The following CCDC25 variants were observed in gnomAD, a reference collection of about 807,000 sequenced individuals.
CCDC25 encodes coiled-coil domain-containing protein 25.
Under a neutral mutation model 35.3 loss-of-function variants are expected in CCDC25, and 16 were observed. The observed-to-expected ratio is 0.45, with a 90% CI of 0.31 to 0.69. The LOEUF (loss-of-function observed/expected upper bound fraction) is 0.69. Among genes scored for constraint, CCDC25 ranks in the 30% least tolerant of loss-of-function variants. The pLI is 0.06. For missense variants in CCDC25, 179 were observed against 250.7 expected, an observed-to-expected ratio of 0.71 and a Z score of 1.93; for synonymous variants, 79 against 80.3, an observed-to-expected ratio of 0.98 and a Z score of 0.09.
intron 1 of CCDC25, among the ~76,000 whole-genome samples, chr8:27,767,964 G>A (rs1804456399): frequency 6.6e-6 from 1 of 152,142 alleles, no homozygotes; most frequent in South Asian, 2.1e-4. Context: ...CACTTTGGGA[G>A]GCTGAGGCAG....
rs958574257 is a variant in CCDC25, at chr8:27,737,889, C to CACAA, written c.598-1645_598-1644insTTGT. 1.3e-5 allele frequency among the ~76,000 whole-genome samples: 2 copies of CACAA among 148,756 alleles called. No homozygotes were observed. The highest frequency in any genetic ancestry group is 1.3e-4 in the Admixed American group (2 of 15,106). ...TGGTGTGTGTATACACACACTCACA[C>CACAA]ACACACACACACACACACACACACA... is the stretch of plus-strand genomic sequence containing the variant. On this transcript the variant is annotated intron_variant, in intron 8 of 8. Coordinates refer to ENST00000356537, the MANE Select transcript of CCDC25 (RefSeq NM_018246.3). This position sits in a 1 kb window ranked among gnomAD's most constrained non-coding sequence, Gnocchi z 4.6.
At chr8:27,765,571 G>T (rs1192631925) in intron 1 of CCDC25, among the ~76,000 whole-genome samples, 1 of 151,798 alleles carries the variant, frequency 6.6e-6, no homozygotes, top group East Asian at 1.9e-4. Flanking sequence ...ACTTTCTCAG[G>T]GTTACAGTTC....
intron 7 of CCDC25, 40 bp from the exon 8 acceptor site, chr8:27,740,557 T>C: frequency 1.9e-6 from 3 of 1,560,594 alleles, no homozygotes; most frequent in South Asian, 2.3e-5. Context: ...TAAAATATGG[T>C]GATCCAGTCA....
At chr8:27,754,352 G>C (rs1232671653) in intron 4 of CCDC25, among the ~76,000 whole-genome samples, 1 of 152,052 alleles carries the variant, frequency 6.6e-6, no homozygotes, top group Non-Finnish European at 1.5e-5. Context: ...CATGTTAAAA[G>C]GTAATCTAAT....
At chr8:27,772,381 A>G in intron 1 of CCDC25, 132 bp downstream of exon 1, 3 of 841,830 alleles carry the variant, frequency 3.6e-6, no homozygotes, top group Admixed American at 2.2e-5. Flanking sequence ...TGGGGGACCG[A>G]GAGGCCGCGG....
At chr8:27,755,199 A>G (rs1803955420) in intron 4 of CCDC25, among the ~76,000 whole-genome samples, 1 of 152,198 alleles carries the variant, frequency 6.6e-6, no homozygotes, top group Non-Finnish European at 1.5e-5. Context: ...CCCATTCTAG[A>G]GCTGGGACAG....
intron 3 of CCDC25, among the ~76,000 whole-genome samples, chr8:27,759,402 T>C (rs116334961): frequency 0.013 from 2,030 of 151,144 alleles, 47 homozygotes; most frequent in African/African-American, 0.046. Context: ...AGGTCAGGGG[T>C]TGGAGACCAG....
chr8:27,770,447 T>A (rs1459799198), intron 1 of CCDC25, among the ~76,000 whole-genome samples: 1 of 145,120 alleles, frequency 6.9e-6, no homozygotes, highest in Non-Finnish European at 1.5e-5. Flanking sequence ...AAAATAAATC[T>A]CACCTTTAGA....
chr8:27,765,277 A>G, intron 1 of CCDC25, 26 bp from the exon 2 acceptor site: 1 of 1,427,060 alleles, frequency 7.0e-7, no homozygotes, highest in Non-Finnish European at 9.5e-7. Context: ...AATAAAAAAC[A>G]ATTAGTAACT....
intron 2 of CCDC25, among the ~76,000 whole-genome samples, chr8:27,763,187 T>C (rs1382648628): frequency 6.6e-6 from 1 of 152,234 alleles, no homozygotes; most frequent in African/African-American, 2.4e-5. Flanking sequence ...CTTGGTTTGT[T>C]TCTAATTATA....
intron 7 of CCDC25, among the ~76,000 whole-genome samples, chr8:27,741,792 G>T (rs1009424601): frequency 6.6e-6 from 1 of 152,200 alleles, no homozygotes; most frequent in African/African-American, 2.4e-5. Context: ...GTTAAGACAA[G>T]AAGGTCCATT....
At chr8:27,767,503 T>C (rs964793204) in intron 1 of CCDC25, among the ~76,000 whole-genome samples, 3 of 152,094 alleles carry the variant, frequency 2.0e-5, no homozygotes, top group Admixed American at 6.5e-5. Context: ...AAAATGGCCA[T>C]AACAAACCTA....
chr8:27,749,985 G>A (rs146902728), intron 5 of CCDC25, among the ~76,000 whole-genome samples: 397 of 152,268 alleles, frequency 2.6e-3, no homozygotes, highest in Non-Finnish European at 4.0e-3. Context: ...CAACTTTTCT[G>A]TATACCTGAA....
At chr8:27,755,211 G>A (rs1803955881) in intron 4 of CCDC25, among the ~76,000 whole-genome samples, 1 of 152,170 alleles carries the variant, frequency 6.6e-6, no homozygotes, top group African/African-American at 2.4e-5. Context: ...CTGGGACAGG[G>A]AAAATACAAG....
chr8:27,748,473 T>A lies in CCDC25; in HGVS notation c.348+22A>T. ...CATTCAGTATCAGGGCTCCGCCTCC[T>A]TCAGTGGCACAAAACACTTACATCC... is the stretch of plus-strand genomic sequence containing the variant. On this transcript the variant is annotated intron_variant, in intron 6 of 8. Transcript: ENST00000356537. The A allele has an allele frequency of 2.6e-6, 4 of 1,566,184 alleles. No individual in the cohort carries two copies. The South Asian group carries it at 4.4e-5, about 17-fold the overall frequency.
chr8:27,751,496 G>A (rs1441063585), intron 5 of CCDC25, among the ~76,000 whole-genome samples: 1 of 152,284 alleles, frequency 6.6e-6, no homozygotes, highest in East Asian at 1.9e-4. Flanking sequence ...AAGCGCAGTC[G>A]GGGAAAGGGG....
At chr8:27,750,255 G>A (rs992431683) in intron 5 of CCDC25, among the ~76,000 whole-genome samples, 7 of 152,192 alleles carry the variant, frequency 4.6e-5, no homozygotes, top group African/African-American at 1.7e-4. Context: ...CAGAGCTCAG[G>A]GGTTACGGCA....
At chr8:27,768,492 G>A (rs934218284) in intron 1 of CCDC25, among the ~76,000 whole-genome samples, 51 of 148,978 alleles carry the variant, frequency 3.4e-4, no homozygotes, top group African/African-American at 1.2e-3. Flanking sequence ...TTGAACCTAG[G>A]AGGCAGAAGT....
intron 5 of CCDC25, 136 bp from the exon 6 acceptor site, chr8:27,748,734 C>A: frequency 1.6e-6 from 1 of 643,232 alleles, no homozygotes; most frequent in Non-Finnish European, 2.7e-6. Context: ...TTTAAACCAC[C>A]AATACTTTTT....
Sources: allele counts gnomAD v4.1 joint callset (sites outside exome capture counted in the v4.1 genomes callset), GRCh38; gene constraint gnomAD v4.1.1; non-coding constraint Gnocchi (gnomAD v3.1); transcripts MANE v1.5; gene names NCBI Gene and HGNC (gene_info 2026-07-23, HGNC 2026-07-21).